Variants in CAMK1D observed in about 807,000 individuals in gnomAD.
The protein encoded by CAMK1D is calcium/calmodulin-dependent protein kinase type 1D.
Under a neutral mutation model 47.7 loss-of-function variants are expected in CAMK1D, and 9 were observed. That is an observed-to-expected ratio of 0.19 (90% confidence interval 0.11 to 0.33). The LOEUF (loss-of-function observed/expected upper bound fraction) is 0.33, where lower values mean the gene tolerates loss of function less well. CAMK1D is among the 10% of genes least tolerant of loss of function. CAMK1D has a pLI of 1.00. For missense variants in CAMK1D, 291 were observed against 488.7 expected (o/e 0.60, Z 3.81); for synonymous variants, 184 against 184.9 (o/e 0.99, Z 0.04).
intron 1 of CAMK1D, among the ~76,000 whole-genome samples, chr10:12,449,506 A>G (rs1376801399): frequency 8.2e-6 from 1 of 121,832 alleles, no homozygotes; most frequent in Non-Finnish European, 1.7e-5. Flanking sequence ...CACGCACACA[A>G]GGGGTGATGA....
intron 3 of CAMK1D, among the ~76,000 whole-genome samples, chr10:12,695,510 G>A (rs1241967146): frequency 6.6e-6 from 1 of 152,164 alleles, no homozygotes; most frequent in East Asian, 1.9e-4. Flanking sequence ...ATTAGAACAA[G>A]CGCATGATGA....
rs1292352571 is a variant in CAMK1D, at chr10:12,834,829, C to G, written c.*5942C>G. ...CTAGACAGATTCAGATTCCCAGGCT[C>G]TCCTGGAAGCCCTGCACTTCAGGGC... On this transcript the variant is annotated 3_prime_UTR_variant, in exon 11 of 11. Coordinates refer to ENST00000619168, the MANE Select transcript of CAMK1D (RefSeq NM_153498.4). 1 of 152,132 alleles carries G rather than the reference C, an allele frequency of 6.6e-6. No individual in the cohort carries two copies. The highest frequency in any genetic ancestry group is 2.4e-5 in the African/African-American group (1 of 41,416). 9.4% of individuals were successfully genotyped at this position (152,132 alleles called of 1,614,324 possible). A position where few individuals can be genotyped will look rare whatever the true frequency, so the allele number is the denominator to read the frequency against.
chr10:12,496,070 C>T (rs1306762463), intron 1 of CAMK1D, among the ~76,000 whole-genome samples: 10 of 152,068 alleles, frequency 6.6e-5, no homozygotes, highest in Non-Finnish European at 8.8e-5. Flanking sequence ...CTCAAGCAAT[C>T]CTCCTGCCTC....
chr10:12,410,958 C>T (rs529920049), intron 1 of CAMK1D, among the ~76,000 whole-genome samples: 2 of 152,182 alleles, frequency 1.3e-5, no homozygotes, highest in East Asian at 1.9e-4. Flanking sequence ...TTGGGGTGGT[C>T]GTGTGTACCA....
chr10:12,454,957 ATGTG>A (rs1166546582), intron 1 of CAMK1D, among the ~76,000 whole-genome samples: 22 of 152,336 alleles, frequency 1.4e-4, no homozygotes, highest in African/African-American at 4.1e-4. Context: ...TATTTAGGAA[ATGTG>A]TGAGCAGGCC....
At chr10:12,504,166 T>G (rs1015291408) in intron 1 of CAMK1D, among the ~76,000 whole-genome samples, 12 of 151,134 alleles carry the variant, frequency 7.9e-5, no homozygotes, top group African/African-American at 2.9e-4. Context: ...ATGTAATATA[T>G]TCTCAAAAAG....
chr10:12,687,983 C>G (rs982769576), intron 3 of CAMK1D, among the ~76,000 whole-genome samples: 2 of 152,166 alleles, frequency 1.3e-5, no homozygotes, highest in African/African-American at 2.4e-5. Flanking sequence ...GATTAATGAT[C>G]TGTATGTCTG....
rs548757098 is a variant in CAMK1D at position 12,424,619 on chromosome 10, G to C, written c.92+74709G>C. Among the ~76,000 whole-genome samples, 3 of 152,238 alleles carry C rather than the reference G, an allele frequency of 2.0e-5. No individual in the cohort carries two copies. In the East Asian group the frequency reaches 5.8e-4, roughly 29 times the overall value. ...CAGTGGGTCCAAAGTGATTCTCAAA[G>C]TACAAGTCTGACCATGTTATTCCTC... On this transcript the variant is annotated intron_variant, in intron 1 of 10. Transcript: ENST00000619168.
chr10:12,800,374 A>C (rs1838372961), intron 6 of CAMK1D, among the ~76,000 whole-genome samples: 1 of 152,244 alleles, frequency 6.6e-6, no homozygotes, highest in Non-Finnish European at 1.5e-5. Context: ...AGTCTGTCAT[A>C]TTATACAGAG....
chr10:12,549,774 C>A (rs748972328), intron 1 of CAMK1D, among the ~76,000 whole-genome samples: 4 of 152,210 alleles, frequency 2.6e-5, no homozygotes, highest in Non-Finnish European at 5.9e-5. Context: ...TAACCAGGGA[C>A]AAAGGCAGAA....
chr10:12,814,325 A>G lies in CAMK1D; in HGVS notation c.754+18A>G. ...CGACTCTGGTAGGTCTCCCATAGGC[A>G]GCTCCCAGTGGGCGGCCCCCGCGAC... On this transcript the variant is annotated intron_variant, in intron 7 of 10. Coordinates refer to ENST00000619168, the MANE Select transcript of CAMK1D (RefSeq NM_153498.4). 6.5e-7 allele frequency: 1 copy of G among 1,530,678 alleles called. No homozygotes were observed. Among genetic ancestry groups the G allele is most frequent in the Non-Finnish European group, 9.1e-7 (1 of 1,104,964 alleles). The allele number at this position is 1,530,678 out of a possible 1,614,324, so 94.8% of individuals were successfully genotyped here.
chr10:12,580,373 G>A lies in CAMK1D; in HGVS notation c.224+27017G>A, dbSNP rs188284775. ...TTTTTTTTTTTAATATAGCTTTAAT[G>A]GGAGACTGGAGCCTGCTGTTTCTCA... is the stretch of plus-strand genomic sequence containing the variant. On this transcript the variant is annotated intron_variant, in intron 2 of 10. Transcript: ENST00000619168. Among the ~76,000 whole-genome samples the A allele has an allele frequency of 3.9e-3, 521 of 133,902 alleles. 1 individual carries two copies. Among genetic ancestry groups the A allele is most frequent in the Non-Finnish European group, 6.3e-3 (410 of 65,350 alleles). The allele number at this position is 133,902 out of a possible 152,430, so 87.8% of individuals were successfully genotyped here.
intron 3 of CAMK1D, among the ~76,000 whole-genome samples, chr10:12,704,010 T>G (rs1477383955): frequency 6.6e-6 from 1 of 152,190 alleles, no homozygotes; most frequent in East Asian, 1.9e-4. Context: ...CTCTTCTTGG[T>G]GAGCCAAAAG....
rs1296165246 is a variant in CAMK1D at position 12,663,662 on chromosome 10, C to G, written c.225-3074C>G. 4.6e-5 allele frequency among the ~76,000 whole-genome samples: 7 copies of G among 152,244 alleles called. No homozygotes were observed. The East Asian group carries it at 1.4e-3, about 29-fold the overall frequency. ...AGAGTACCTAGGACTGTGCCTGATA[C>G]ATGGCAGGCACCCAACAGATATTTA... is the stretch of plus-strand genomic sequence containing the variant. On this transcript the variant is annotated intron_variant, in intron 2 of 10. Coordinates refer to ENST00000619168, the MANE Select transcript of CAMK1D (RefSeq NM_153498.4).
At position 12,792,649 on chromosome 10, in the gene CAMK1D, C is replaced by T. The variant is rs191353362; in HGVS notation, c.641+1416C>T. 1.1e-4 allele frequency among the ~76,000 whole-genome samples: 17 copies of T among 152,222 alleles called. No individual in the cohort carries two copies. The East Asian group carries it at 2.1e-3, about 19-fold the overall frequency. On this transcript the variant is annotated intron_variant, in intron 6 of 10. Coordinates refer to ENST00000619168, the MANE Select transcript of CAMK1D (RefSeq NM_153498.4). ...TGAGAAGCAGATGGCCTTTCTCCAG[C>T]GTTCAGCTGGGCTGCATTTGTAGTT...
Position 12,586,427 on chromosome 10 carries a change from C to T in CAMK1D, c.224+33071C>T, listed in dbSNP as rs182185839. Among the ~76,000 whole-genome samples, 110 of 125,852 alleles carry T rather than the reference C, an allele frequency of 8.7e-4. 1 individual carries two copies. In the East Asian group the frequency reaches 0.022, roughly 26 times the overall value. The allele number at this position is 125,852 out of a possible 152,430, so 82.6% of individuals were successfully genotyped here. ...TCACACCATTGCACTCCAGCCTGGG[C>T]GACAGAGCAAGACTTCCTCTCAAAA... On this transcript the variant is annotated intron_variant, in intron 2 of 10. Transcript: ENST00000619168.
chr10:12,363,406 C>T (rs1361110602), intron 1 of CAMK1D, among the ~76,000 whole-genome samples: 1 of 151,986 alleles, frequency 6.6e-6, no homozygotes, highest in African/African-American at 2.4e-5. Context: ...AGGTGCCCAC[C>T]ACCATGCCTA....
At chr10:12,453,871 T>C (rs1833162160) in intron 1 of CAMK1D, among the ~76,000 whole-genome samples, 1 of 152,210 alleles carries the variant, frequency 6.6e-6, no homozygotes, top group Non-Finnish European at 1.5e-5. Context: ...TATATCAGCC[T>C]GTCAAGATCT....
intron 1 of CAMK1D, among the ~76,000 whole-genome samples, chr10:12,393,865 C>G (rs530449970): frequency 6.6e-6 from 1 of 152,302 alleles, no homozygotes; most frequent in African/African-American, 2.4e-5. Context: ...ACACCTCACA[C>G]GTGTGTGGGT....
Sources: allele counts gnomAD v4.1 joint callset (sites outside exome capture counted in the v4.1 genomes callset), GRCh38; gene constraint gnomAD v4.1.1; transcripts MANE v1.5; gene names NCBI Gene and HGNC (gene_info 2026-07-23, HGNC 2026-07-21).